Variants in MARCHF4 observed in about 807,000 individuals in gnomAD.
MARCHF4 encodes E3 ubiquitin-protein ligase MARCHF4.
Under a neutral mutation model 43.9 loss-of-function variants are expected in MARCHF4, and 14 were observed. That is an observed-to-expected ratio of 0.32 (90% CI 0.21 to 0.50). The LOEUF (loss-of-function observed/expected upper bound fraction) is 0.50, where lower values mean the gene tolerates loss of function less well. Among genes scored for constraint, MARCHF4 ranks in the 20% least tolerant of loss-of-function variants. MARCHF4 has a pLI of 0.98. For missense variants in MARCHF4, 468 were observed against 536.7 expected, an observed-to-expected ratio of 0.87 and a Z score of 1.27; for synonymous variants, 226 against 213.3, an observed-to-expected ratio of 1.06 and a Z score of -0.52.
chr2:216,331,189 A>G (rs1574479793), intron 1 of MARCHF4, among the ~76,000 whole-genome samples: 1 of 152,120 alleles, frequency 6.6e-6, no homozygotes, highest in Non-Finnish European at 1.5e-5. Context: ...ATTCACCGCA[A>G]ACCTTTCAGA....
chr2:216,315,325 G>A (rs576098979), intron 1 of MARCHF4, among the ~76,000 whole-genome samples: 104 of 152,230 alleles, frequency 6.8e-4, no homozygotes, highest in Admixed American at 1.8e-3. Context: ...TCTGCTAGTC[G>A]GTGGGAATGT....
intron 1 of MARCHF4, among the ~76,000 whole-genome samples, chr2:216,302,046 G>A (rs779777141): frequency 5.9e-5 from 9 of 152,192 alleles, no homozygotes; most frequent in Admixed American, 2.6e-4. Flanking sequence ...ACAAAAAAAC[G>A]CAAGCAAAAT....
At chr2:216,260,000 A>G (rs898873298) in intron 3 of MARCHF4, among the ~76,000 whole-genome samples, 1 of 152,192 alleles carries the variant, frequency 6.6e-6, no homozygotes, top group Non-Finnish European at 1.5e-5. Context: ...TCCTCCCTCT[A>G]TTATGTATCC....
At chr2:216,352,111 C>T (rs1020488281) in intron 1 of MARCHF4, among the ~76,000 whole-genome samples, 1 of 152,164 alleles carries the variant, frequency 6.6e-6, no homozygotes, top group African/African-American at 2.4e-5. Flanking sequence ...GAAAGAGATC[C>T]GATTTGCCAA....
chr2:216,258,725 G>A lies in MARCHF4; in HGVS notation c.*587C>T, dbSNP rs993601973. 1.3e-5 allele frequency: 2 copies of A among 152,614 alleles called. No individual in the cohort carries two copies. The highest frequency in any genetic ancestry group is 6.6e-5 in the Admixed American group (1 of 15,262). 9.5% of individuals were successfully genotyped at this position (152,614 alleles called of 1,614,324 possible). A position where few individuals can be genotyped will look rare whatever the true frequency, so the allele number is the denominator to read the frequency against. On this transcript the variant is annotated 3_prime_UTR_variant, in exon 4 of 4. Coordinates refer to ENST00000273067, the MANE Select transcript of MARCHF4 (RefSeq NM_020814.3). Reference sequence around the variant, plus strand: ...TGCTCACACCAGCATATCCCTCCCTGAGCATCCCTCCCTGACCATCCACCC... The same window carrying A: ...TGCTCACACCAGCATATCCCTCCCTAAGCATCCCTCCCTGACCATCCACCC...
At chr2:216,320,005 A>G (rs1386591028) in intron 1 of MARCHF4, among the ~76,000 whole-genome samples, 1 of 152,202 alleles carries the variant, frequency 6.6e-6, no homozygotes, top group African/African-American at 2.4e-5. Context: ...CTGTGAGTTT[A>G]GAAGCTGAAT....
In MARCHF4 at chr2:216,293,702, A is replaced by G. The variant is rs141221973; in HGVS notation, c.517-9973T>C. On this transcript the variant is annotated intron_variant, in intron 1 of 3. Transcript: ENST00000273067. ...ACAGTGCTTTTCTCCCTATAATTTT[A>G]CTGGTATAAGACAAATGTACCTATT... 1.5e-3 allele frequency among the ~76,000 whole-genome samples: 205 copies of G among 137,790 alleles called. 36 individuals are homozygous for G. The East Asian group carries it at 0.037, about 25-fold the overall frequency. 90.4% of individuals were successfully genotyped at this position (137,790 alleles called of 152,430 possible). A position where few individuals can be genotyped will look rare whatever the true frequency, so the allele number is the denominator to read the frequency against.
chr2:216,349,175 G>A (rs113059461), intron 1 of MARCHF4, among the ~76,000 whole-genome samples: 4 of 152,180 alleles, frequency 2.6e-5, no homozygotes, highest in East Asian at 1.9e-4. Flanking sequence ...CAGTGTGCAC[G>A]TGCAATGTGC....
intron 3 of MARCHF4, among the ~76,000 whole-genome samples, chr2:216,266,405 C>T (rs189383010): frequency 6.6e-6 from 1 of 152,084 alleles, no homozygotes; most frequent in Non-Finnish European, 1.5e-5. Context: ...CAAGAAAAGC[C>T]CACTCATCTC....
At position 216,366,345 on chromosome 2, in the gene MARCHF4, C is replaced by T. The variant is rs73070416; in HGVS notation, c.516+3400G>A. ...GGGCTAGTGCAGCTTCAACCAAAAACGGAGAGTGAGGAGGTTGTGAGCTGG... is the reference window on the plus strand; with the variant it reads ...GGGCTAGTGCAGCTTCAACCAAAAATGGAGAGTGAGGAGGTTGTGAGCTGG... On this transcript the variant is annotated intron_variant, in intron 1 of 3. Transcript: ENST00000273067. 8.4e-3 allele frequency among the ~76,000 whole-genome samples: 1,283 copies of T among 152,244 alleles called. 15 individuals are homozygous for T. The highest frequency in any genetic ancestry group is 0.027 in the African/African-American group (1,122 of 41,520).
chr2:216,327,145 T>C (rs1692006853), intron 1 of MARCHF4, among the ~76,000 whole-genome samples: 1 of 152,076 alleles, frequency 6.6e-6, no homozygotes, highest in Non-Finnish European at 1.5e-5. Flanking sequence ...GTTTTTACTT[T>C]GTATTTTTTT....
intron 1 of MARCHF4, among the ~76,000 whole-genome samples, chr2:216,300,317 C>CAT (rs368343136): frequency 0.019 from 2,596 of 139,888 alleles, 128 homozygotes; most frequent in African/African-American, 0.075. Flanking sequence ...TATATATGTG[C>CAT]ATATATATAT....
At position 216,366,945 on chromosome 2, in the gene MARCHF4, C is replaced by T. The variant is rs139106857; in HGVS notation, c.516+2800G>A. Reference sequence around the variant, plus strand: ...TGCCCCGAAAAATTTGTTAAATAAACGCATGCACCAATGAATGGATGCAAA... The same window carrying T: ...TGCCCCGAAAAATTTGTTAAATAAATGCATGCACCAATGAATGGATGCAAA... On this transcript the variant is annotated intron_variant, in intron 1 of 3. Transcript: ENST00000273067. Among the ~76,000 whole-genome samples the T allele has an allele frequency of 7.9e-5, 12 of 152,250 alleles. No homozygotes were observed. In the East Asian group the frequency reaches 1.7e-3, roughly 22 times the overall value.
At chr2:216,262,542 T>C (rs540482288) in intron 3 of MARCHF4, among the ~76,000 whole-genome samples, 1 of 151,986 alleles carries the variant, frequency 6.6e-6, no homozygotes, top group East Asian at 1.9e-4. Flanking sequence ...GGTTAGAGGA[T>C]TATTGGAGTC....
chr2:216,320,306 CA>C (rs1010254224), intron 1 of MARCHF4, among the ~76,000 whole-genome samples: 52 of 152,308 alleles, frequency 3.4e-4, no homozygotes, highest in African/African-American at 1.3e-3. Context: ...TATGAGGATC[CA>C]GTTTAGTGAA....
chr2:216,333,600 G>A (rs970170429), intron 1 of MARCHF4, among the ~76,000 whole-genome samples: 2 of 152,176 alleles, frequency 1.3e-5, no homozygotes, highest in East Asian at 1.9e-4. Context: ...CATGCCCCAC[G>A]TCCCAGCAGC....
intron 1 of MARCHF4, among the ~76,000 whole-genome samples, chr2:216,332,078 T>C (rs1434825851): frequency 6.6e-6 from 1 of 152,078 alleles, no homozygotes; most frequent in African/African-American, 2.4e-5. Flanking sequence ...AAAAAAATAA[T>C]CTACAAATTG....
In MARCHF4 at chr2:216,283,567, G is replaced by T; in HGVS notation, c.672+7C>A. The T allele has an allele frequency of 6.3e-7, 1 of 1,595,544 alleles. No individual in the cohort carries two copies. The highest frequency in any genetic ancestry group is 8.6e-7 in the Non-Finnish European group (1 of 1,165,336). On this transcript the variant is annotated splice_region_variant and intron_variant, in intron 2 of 3. Coordinates refer to ENST00000273067, the MANE Select transcript of MARCHF4 (RefSeq NM_020814.3). Reference sequence around the variant, plus strand: ...CAGCAACCCCACCAGGCAGCCCTGGGTTGTACCTGCAGAGGATTTTTTGTG... The same window carrying T: ...CAGCAACCCCACCAGGCAGCCCTGGTTTGTACCTGCAGAGGATTTTTTGTG...
chr2:216,283,844 G>A, intron 1 of MARCHF4, 115 bp from the exon 2 acceptor site: 1 of 1,157,676 alleles, frequency 8.6e-7, no homozygotes. Flanking sequence ...TAGGCCACAG[G>A]CTTTGTTTGG....
Sources: gnomAD v4.1 joint callset for allele counts (sites outside exome capture counted in the v4.1 genomes callset) on GRCh38, gnomAD v4.1.1 for gene constraint, MANE v1.5 for transcripts, NCBI Gene and HGNC (gene_info 2026-07-23, HGNC 2026-07-21) for gene names.